GPR161: variants seen among roughly 807,000 people sequenced by gnomAD.
GPR161 encodes G protein-coupled receptor 161.
Under a neutral mutation model 39.2 loss-of-function variants are expected in GPR161, and 25 were observed. The ratio of observed to expected loss-of-function variants is 0.64; its 90% confidence interval spans 0.47 to 0.89. The LOEUF (loss-of-function observed/expected upper bound fraction) is 0.89, where lower values mean the gene tolerates loss of function less well. Among genes scored for constraint, GPR161 ranks in the 40% least tolerant of loss-of-function variants. The pLI, the probability that GPR161 is intolerant of heterozygous loss-of-function variation, is 0.00. For missense variants in GPR161, 547 were observed against 677.8 expected, an observed-to-expected ratio of 0.81 and a Z score of 2.14; for synonymous variants, 286 against 276.6, an observed-to-expected ratio of 1.03 and a Z score of -0.34.
In GPR161 at chr1:168,084,292, T is replaced by C. The variant is rs1694276022; in HGVS notation, c.*1239A>G. On this transcript the variant is annotated 3_prime_UTR_variant, in exon 6 of 6. Coordinates refer to ENST00000682931, the MANE Select transcript of GPR161 (RefSeq NM_001375883.1). ...TGCATGAGCAACCACACTCCAAAGT[T>C]ATACAAAGGTCGGTCCGTGGGTCTG... The C allele has an allele frequency of 1.7e-5, 3 of 176,084 alleles. No homozygotes were observed. Among genetic ancestry groups the C allele is most frequent in the South Asian group, 2.4e-4 (2 of 8,510 alleles). 10.9% of individuals were successfully genotyped at this position (176,084 alleles called of 1,614,324 possible).
intron 1 of GPR161, among the ~76,000 whole-genome samples, chr1:168,110,569 AAAG>A (rs1697068102): frequency 8.4e-6 from 1 of 118,916 alleles, no homozygotes; most frequent in African/African-American, 3.5e-5. Context: ...AAAGAAAAGA[AAAG>A]AAAAGAAAAG....
chr1:168,106,961 TATTA>T (rs1427058999), intron 1 of GPR161, among the ~76,000 whole-genome samples: 1 of 152,200 alleles, frequency 6.6e-6, no homozygotes, highest in Non-Finnish European at 1.5e-5. Context: ...ATAAGTAAAT[TATTA>T]ATTAACGTCT....
rs112894028 is a variant in GPR161, at chr1:168,105,241, G to A, written c.-44-347C>T. Among the ~76,000 whole-genome samples, 51 of 152,240 alleles carry A rather than the reference G, an allele frequency of 3.3e-4. No individual in the cohort carries two copies. In the Middle Eastern group the frequency reaches 0.014, roughly 41 times the overall value. On this transcript the variant is annotated intron_variant, in intron 1 of 5. Coordinates refer to ENST00000682931, the MANE Select transcript of GPR161 (RefSeq NM_001375883.1). ...AGCTCCACCACTAGAGGTTCTGGGC[G>A]CAGAGATCACAGGCACAACCTAGGA...
intron 1 of GPR161, among the ~76,000 whole-genome samples, chr1:168,119,245 C>CATATATATATACGTATATATATGTGT: frequency 9.7e-6 from 1 of 103,352 alleles, no homozygotes; most frequent in South Asian, 2.6e-4. Context: ...TATATATACA[C>CATATATATATACGTATATATATGTGT]ATATATATAT....
At chr1:168,106,079 T>C (rs936367518) in intron 1 of GPR161, among the ~76,000 whole-genome samples, 2 of 151,458 alleles carry the variant, frequency 1.3e-5, no homozygotes, top group Non-Finnish European at 2.9e-5. Flanking sequence ...GAGAGAAAGC[T>C]TCCCTCATAG....
intron 1 of GPR161, among the ~76,000 whole-genome samples, chr1:168,126,156 T>C (rs1698572511): frequency 6.6e-6 from 1 of 152,228 alleles, no homozygotes; most frequent in Non-Finnish European, 1.5e-5. Context: ...ACAGCAGCTT[T>C]CTGTAACTGA....
chr1:168,091,058 AT>A (rs1001683507), intron 3 of GPR161, among the ~76,000 whole-genome samples: 2 of 152,220 alleles, frequency 1.3e-5, no homozygotes, highest in African/African-American at 4.8e-5. Context: ...TCAAAGAGGG[AT>A]TTTTAAGAGG....
rs1343338908 is a variant in GPR161, at chr1:168,095,730, G to T, written c.1099+778C>A. On this transcript the variant is annotated intron_variant, in intron 3 of 5. Coordinates refer to ENST00000682931, the MANE Select transcript of GPR161 (RefSeq NM_001375883.1). The stretch of plus-strand genomic sequence containing the variant: ...GGTTGAGGAGGAAGACAGCAGCTGA[G>T]GTGGGGAGGGGGTGCTGACAAGAGG... Among the ~76,000 whole-genome samples, 2 of 152,208 alleles carry T rather than the reference G, an allele frequency of 1.3e-5. 1 individual carries two copies. Among genetic ancestry groups the T allele is most frequent in the Non-Finnish European group, 2.9e-5 (2 of 68,036 alleles).
intron 1 of GPR161, among the ~76,000 whole-genome samples, chr1:168,125,624 C>G (rs919911923): frequency 2.8e-5 from 4 of 142,206 alleles, no homozygotes; most frequent in Non-Finnish European, 6.1e-5. Flanking sequence ...CTTCCCCCCC[C>G]TTTTTTTTTT....
At chr1:168,085,853 T>C in intron 5 of GPR161, 57 bp from the exon 6 acceptor site, 1 of 1,493,448 alleles carries the variant, frequency 6.7e-7, no homozygotes, top group South Asian at 1.2e-5. Flanking sequence ...GGGACTACCT[T>C]GGGGACAAGC....
At position 168,128,674 on chromosome 1, in the gene GPR161, A is replaced by C. The variant is rs182177068; in HGVS notation, c.-45+8065T>G. ...ATGATTACTTCTATCACAAGATAAAAAATAATGACTACGTGAATTAGTTTT... is the reference window on the plus strand; with the variant it reads ...ATGATTACTTCTATCACAAGATAAACAATAATGACTACGTGAATTAGTTTT... On this transcript the variant is annotated intron_variant, in intron 1 of 5. Coordinates refer to ENST00000682931, the MANE Select transcript of GPR161 (RefSeq NM_001375883.1). 9.8e-4 allele frequency among the ~76,000 whole-genome samples: 150 copies of C among 152,378 alleles called. 1 individual carries two copies. In the South Asian group the frequency reaches 0.018, roughly 18 times the overall value.
rs780250390 is a variant in GPR161 at position 168,096,629 on chromosome 1, G to A, written c.978C>T (p.Leu326=). The A allele has an allele frequency of 1.2e-6, 2 of 1,614,214 alleles. No individual in the cohort carries two copies. Among genetic ancestry groups the A allele is most frequent in the South Asian group, 1.1e-5 (1 of 91,080 alleles). ...SAVCHPLIYG[L]WNKTVRKELL... ...GTTCTTTGCGAACTGTCTTGTTCCAGAGTCCATAGATCAGGGGGTGGCAGA... is the reference window on the plus strand; with the variant it reads ...GTTCTTTGCGAACTGTCTTGTTCCAAAGTCCATAGATCAGGGGGTGGCAGA... Residue 326 remains leucine (L), a synonymous_variant, in exon 3 of 6, where the codon CTC becomes CTT. Coordinates refer to ENST00000682931, the MANE Select transcript of GPR161 (RefSeq NM_001375883.1).
chr1:168,093,936 C>T (rs143762196), intron 3 of GPR161, among the ~76,000 whole-genome samples: 4,750 of 146,630 alleles, frequency 0.032, 101 homozygotes, highest in Middle Eastern at 0.072. Context: ...GAAGAACCAT[C>T]CCCCACCCCC....
intron 1 of GPR161, among the ~76,000 whole-genome samples, chr1:168,120,180 A>G (rs1201282223): frequency 4.6e-5 from 7 of 152,228 alleles, no homozygotes; most frequent in Non-Finnish European, 5.9e-5. Flanking sequence ...CTGAAGAGCC[A>G]CAGAGGTGGA....
At chr1:168,122,534 A>T (rs1698261233) in intron 1 of GPR161, among the ~76,000 whole-genome samples, 1 of 152,168 alleles carries the variant, frequency 6.6e-6, no homozygotes, top group African/African-American at 2.4e-5. Context: ...GAGCAAGCCC[A>T]AAGTTGTTAC....
Position 168,098,408 on chromosome 1 carries a change from C to T in GPR161, c.375-1176G>A. Among the ~76,000 whole-genome samples, 1 of 152,230 alleles carries T rather than the reference C, an allele frequency of 6.6e-6. No homozygotes were observed. Among genetic ancestry groups the T allele is most frequent in the East Asian group, 1.9e-4 (1 of 5,198 alleles). Reference sequence around the variant, plus strand: ...GGCTGAAAGTCAACCACCACCCTCCCAACCCCGACATTTTATCCAAGGGAA... The same window carrying T: ...GGCTGAAAGTCAACCACCACCCTCCTAACCCCGACATTTTATCCAAGGGAA... On this transcript the variant is annotated intron_variant, in intron 2 of 5. Coordinates refer to ENST00000682931, the MANE Select transcript of GPR161 (RefSeq NM_001375883.1). This position sits in a 1 kb window ranked among gnomAD's most constrained non-coding sequence, Gnocchi z 4.1.
chr1:168,119,271 T>TATATATACATATATATATATGTATAC (rs1697954364), intron 1 of GPR161, among the ~76,000 whole-genome samples: 2 of 106,392 alleles, frequency 1.9e-5, no homozygotes, highest in African/African-American at 7.0e-5. Flanking sequence ...TATATATGTG[T>TATATATACATATATATATATGTATAC]ATATATATAT....
At chr1:168,137,467 C>T (rs1480262551), upstream of GPR161, 1 of 1,415,698 alleles carries the variant, frequency 7.1e-7, no homozygotes, top group Non-Finnish European at 9.6e-7. Context: ...GTTAATACCA[C>T]AGTGAATTCG....
upstream of GPR161, chr1:168,137,624 T>C: frequency 5.1e-6 from 3 of 585,894 alleles, no homozygotes; most frequent in Non-Finnish European, 9.1e-6. Context: ...GAACAGTTCC[T>C]TCTCAGAATG....
Sources: gnomAD v4.1 joint callset for allele counts (sites outside exome capture counted in the v4.1 genomes callset) on GRCh38, gnomAD v4.1.1 for gene constraint, Gnocchi (gnomAD v3.1) non-coding constraint, MANE v1.5 for transcripts, NCBI Gene and HGNC (gene_info 2026-07-23, HGNC 2026-07-21) for gene names.